Variants in PCDHA3 observed in about 807,000 individuals in gnomAD.
PCDHA3 encodes the protein protocadherin alpha 3, also known as protocadherin alpha-3.
Under a neutral mutation model 62.2 loss-of-function variants are expected in PCDHA3, and 41 were observed. The observed-to-expected ratio is 0.66, with a 90% CI of 0.51 to 0.86. The LOEUF (loss-of-function observed/expected upper bound fraction) is 0.86. Ranked by LOEUF, PCDHA3 falls within the 40% of genes least tolerant of loss-of-function variation. PCDHA3 has a pLI of 0.00. For missense variants in PCDHA3, 1,304 were observed against 1,241.2 expected, an observed-to-expected ratio of 1.05 and a Z score of -0.76; for synonymous variants, 640 against 555.4, an observed-to-expected ratio of 1.15 and a Z score of -2.14.
intron 1 of PCDHA3, chr5:140,847,725 G>A (rs1003517180): frequency 2.0e-5 from 3 of 149,656 alleles, no homozygotes; most frequent in Non-Finnish European, 4.5e-5. Flanking sequence ...CTACAAAAGA[G>A]AAAAATATAT....
At chr5:140,838,112 G>C (rs950197929) in intron 1 of PCDHA3, among the ~76,000 whole-genome samples, 3 of 149,312 alleles carry the variant, frequency 2.0e-5, no homozygotes, top group Non-Finnish European at 4.5e-5. Context: ...GTGTGTGTGT[G>C]TGTGTGTGTG....
chr5:140,961,738 G>A (rs976601916), intron 1 of PCDHA3, among the ~76,000 whole-genome samples: 2 of 152,118 alleles, frequency 1.3e-5, no homozygotes, highest in African/African-American at 4.8e-5. Flanking sequence ...AATCACTTTA[G>A]TAATATTACA....
intron 1 of PCDHA3, among the ~76,000 whole-genome samples, chr5:140,964,685 A>G (rs1209867922): frequency 1.3e-5 from 2 of 152,036 alleles, no homozygotes; most frequent in African/African-American, 4.8e-5. Context: ...CAATTTGTGC[A>G]CTTGAGAGAT....
Position 140,807,559 on chromosome 5 carries a change from G to C in PCDHA3, c.2394+3968G>C, listed in dbSNP as rs150847383. 50 of 1,614,048 alleles carry C rather than the reference G, an allele frequency of 3.1e-5. No homozygotes were observed. In the African/African-American group the frequency reaches 6.0e-4, roughly 19 times the overall value. On this transcript the variant is annotated intron_variant, in intron 1 of 3. Coordinates refer to ENST00000522353, the MANE Select transcript of PCDHA3 (RefSeq NM_018906.3). ...TTTTCCATGTGGACGTGGAGGTGAG[G>C]GACATTAACGATAACCCGCCGGTGT... is the stretch of plus-strand genomic sequence containing the variant.
intron 1 of PCDHA3, chr5:140,828,236 G>C: frequency 1.2e-6 from 2 of 1,613,966 alleles, no homozygotes; most frequent in Non-Finnish European, 1.7e-6. Flanking sequence ...GGGCCGGATC[G>C]CGCAGGACCT....
At chr5:140,842,908 G>A (rs2150347706) in intron 1 of PCDHA3, 9 of 1,594,496 alleles carry the variant, frequency 5.6e-6, no homozygotes, top group African/African-American at 1.3e-5. Flanking sequence ...AGGAGCTAGA[G>A]CTGCTGCAGT....
chr5:140,891,133 A>AAAGGT (rs1241650823), intron 1 of PCDHA3, among the ~76,000 whole-genome samples: 2 of 152,106 alleles, frequency 1.3e-5, no homozygotes, highest in Non-Finnish European at 1.5e-5. Context: ...TCATTCCTTT[A>AAAGGT]AAGGTATTCT....
intron 3 of PCDHA3, among the ~76,000 whole-genome samples, chr5:140,982,824 GGTTT>G (rs74513655): frequency 0.037 from 5,640 of 152,044 alleles, 162 homozygotes; most frequent in Non-Finnish European, 0.055. Flanking sequence ...AAGTTTTTGG[GGTTT>G]GTTTGTTTGT....
intron 1 of PCDHA3, among the ~76,000 whole-genome samples, chr5:140,921,612 TATC>T (rs2080294560): frequency 6.6e-6 from 1 of 152,158 alleles, no homozygotes; most frequent in Non-Finnish European, 1.5e-5. Flanking sequence ...ATAAGAAAAA[TATC>T]ATCAGATCAT....
Position 140,850,105 on chromosome 5 carries a change from C to T in PCDHA3, c.2394+46514C>T, listed in dbSNP as rs1554143759. 1.9e-6 allele frequency: 3 copies of T among 1,596,238 alleles called. No homozygotes were observed. In the East Asian group the frequency reaches 6.7e-5, roughly 36 times the overall value. ...GAGCTGCTACAGTTCCAGGTGAGCG[C>T]GCGCGACGCGGGCGTGCCGCCTCTG... On this transcript the variant is annotated intron_variant, in intron 1 of 3. Coordinates refer to ENST00000522353, the MANE Select transcript of PCDHA3 (RefSeq NM_018906.3).
Position 140,877,431 on chromosome 5 carries a change from C to T in PCDHA3, c.2394+73840C>T, listed in dbSNP as rs782442127. 8.1e-6 allele frequency: 13 copies of T among 1,613,836 alleles called. No homozygotes were observed. The Admixed American group carries it at 2.2e-4, about 27-fold the overall frequency. On this transcript the variant is annotated intron_variant, in intron 1 of 3. Transcript: ENST00000522353. ...ACCGCCTGCTGGTGCTGGTGAAGGA[C>T]CACGGTGAGCCCGCGCTGACGTCCA...
At chr5:140,830,452 G>T in intron 1 of PCDHA3, 2 of 1,597,312 alleles carry the variant, frequency 1.3e-6, no homozygotes, top group South Asian at 2.3e-5. Context: ...GTAAGGCGGA[G>T]AATCAGGATT....
At chr5:140,940,498 C>T (rs185491489) in intron 1 of PCDHA3, among the ~76,000 whole-genome samples, 7 of 151,984 alleles carry the variant, frequency 4.6e-5, no homozygotes, top group Non-Finnish European at 8.8e-5. Flanking sequence ...AGTCTTGCTC[C>T]GTCGCTCAGG....
At chr5:141,002,474 C>T (rs141241701) in intron 3 of PCDHA3, among the ~76,000 whole-genome samples, 65 of 152,334 alleles carry the variant, frequency 4.3e-4, no homozygotes, top group African/African-American at 1.3e-3. Flanking sequence ...TTAGCATTTT[C>T]AAAGGATGAC....
chr5:140,857,508 C>T, intron 1 of PCDHA3: 3 of 1,598,226 alleles, frequency 1.9e-6, no homozygotes, highest in Non-Finnish European at 2.6e-6. Context: ...CAGGAGAACG[C>T]CCTGGTGTCC....
intron 1 of PCDHA3, chr5:140,823,318 A>G (rs145418999): frequency 1.8e-5 from 29 of 1,611,994 alleles, no homozygotes; most frequent in Non-Finnish European, 2.4e-5. Context: ...GGAGAGCGGC[A>G]AGGTGTACGC....
At chr5:140,850,671 A>T in intron 1 of PCDHA3, 1 of 1,598,160 alleles carries the variant, frequency 6.3e-7, no homozygotes, top group Non-Finnish European at 8.6e-7. Context: ...GTGCTCGGCG[A>T]TGCCCACCGA....
intron 1 of PCDHA3, among the ~76,000 whole-genome samples, chr5:140,947,190 C>T (rs1292127049): frequency 6.6e-6 from 1 of 151,120 alleles, no homozygotes; most frequent in Non-Finnish European, 1.5e-5. Flanking sequence ...TGGTATACTA[C>T]ACAGCCTTAA....
At chr5:140,845,315 ATTACT>A (rs1156413358) in intron 1 of PCDHA3, among the ~76,000 whole-genome samples, 1 of 149,596 alleles carries the variant, frequency 6.7e-6, no homozygotes, top group Non-Finnish European at 1.5e-5. Context: ...GTTCTCAGGT[ATTACT>A]TTAATTACTG....
Sources: gnomAD v4.1 joint callset for allele counts (sites outside exome capture counted in the v4.1 genomes callset) on GRCh38, gnomAD v4.1.1 for gene constraint, MANE v1.5 for transcripts, NCBI Gene and HGNC (gene_info 2026-07-23, HGNC 2026-07-21) for gene names.